USP13: variants seen among roughly 807,000 people sequenced by gnomAD.
USP13 encodes ubiquitin specific peptidase 13, also known as ubiquitin carboxyl-terminal hydrolase 13.
In USP13, 68 loss-of-function variants were observed where a neutral mutation model predicts 107.8. The observed-to-expected ratio is 0.63, with a 90% CI of 0.52 to 0.77. USP13 has a LOEUF of 0.77. Among genes scored for constraint, USP13 ranks in the 30% least tolerant of loss-of-function variants. The pLI is 0.00. For synonymous variants in USP13, 377 were observed against 389.5 expected, an observed-to-expected ratio of 0.97 and a Z score of 0.38; for missense variants, 945 against 1,093.3, an observed-to-expected ratio of 0.86 and a Z score of 1.91.
intron 12 of USP13, 68 bp from the exon 13 acceptor site, chr3:179,744,975 A>G: frequency 6.3e-7 from 1 of 1,589,302 alleles, no homozygotes; most frequent in Non-Finnish European, 8.6e-7. Context: ...AGACTGTCCA[A>G]AGAGGGTGCT....
chr3:179,767,271 C>G (rs1051818231), intron 19 of USP13, among the ~76,000 whole-genome samples: 6 of 152,034 alleles, frequency 3.9e-5, no homozygotes, highest in East Asian at 1.9e-4. Context: ...CATTATTATC[C>G]CCATTTTACA....
intron 1 of USP13, among the ~76,000 whole-genome samples, chr3:179,672,522 C>T: frequency 6.6e-6 from 1 of 151,368 alleles, no homozygotes; most frequent in East Asian, 1.9e-4. Flanking sequence ...ATAGCTGGGA[C>T]TACAGGTGTG....
intron 19 of USP13, among the ~76,000 whole-genome samples, chr3:179,772,487 C>T (rs1445303056): frequency 1.3e-5 from 2 of 152,160 alleles, no homozygotes; most frequent in African/African-American, 4.8e-5. Context: ...ATTTGCATAA[C>T]GCTGGGGTTC....
At position 179,757,068 on chromosome 3, in the gene USP13, A is replaced by C. The variant is rs747837726; in HGVS notation, c.1938A>C (p.Gln646His). 37 of 1,613,878 alleles carry C rather than the reference A, an allele frequency of 2.3e-5. 1 individual carries two copies. In the South Asian group the frequency reaches 3.8e-4, roughly 17 times the overall value. Residue 646 changes from glutamine (Q) to histidine (H), a missense_variant, in exon 16 of 21, where the codon CAA becomes CAC. Transcript: ENST00000263966. ...AATTTCCAGATCGCCTGATGAACCA[A>C]TTGATAGACCGTATGTATCTTTAAA... ...PDDSKDRLMNQLIDPSDIDES... is the reference protein window; with the variant it reads ...PDDSKDRLMNHLIDPSDIDES...
Position 179,788,507 on chromosome 3 carries a change from C to T in USP13, c.*4366C>T, listed in dbSNP as rs1474788586. ...CTGTGTTGTACACATACAATACACA[C>T]CAGATTTTGAAGGCTTGGTACCAAA... On this transcript the variant is annotated 3_prime_UTR_variant, in exon 21 of 21. Coordinates refer to ENST00000263966, the MANE Select transcript of USP13 (RefSeq NM_003940.3). 1.3e-5 allele frequency: 2 copies of T among 152,074 alleles called. No individual in the cohort carries two copies. Among genetic ancestry groups the T allele is most frequent in the South Asian group, 2.1e-4 (1 of 4,820 alleles). The allele number at this position is 152,074 out of a possible 1,614,324, so 9.4% of individuals were successfully genotyped here.
At chr3:179,694,527 G>A (rs1712217919) in intron 3 of USP13, among the ~76,000 whole-genome samples, 1 of 152,108 alleles carries the variant, frequency 6.6e-6, no homozygotes, top group African/African-American at 2.4e-5. Context: ...GGGAGGCCGG[G>A]CGCGGTGGCT....
rs565559613 is a variant in USP13, at chr3:179,723,788, T to C, written c.1088+2199T>C. 7.2e-5 allele frequency among the ~76,000 whole-genome samples: 11 copies of C among 152,320 alleles called. No homozygotes were observed. The East Asian group carries it at 2.1e-3, about 29-fold the overall frequency. On this transcript the variant is annotated intron_variant, in intron 8 of 20. Transcript: ENST00000263966. ...GGATTGAAATACTTGTTCTTCTCAC[T>C]TCTTTTTCACCAGCAGGTCTAACTC...
Position 179,757,081 on chromosome 3 carries a change from A to G in USP13, c.1948+3A>G, listed in dbSNP as rs759976949. On this transcript the variant is annotated splice_donor_region_variant and intron_variant, in intron 16 of 20. Transcript: ENST00000263966. ...CCTGATGAACCAATTGATAGACCGT[A>G]TGTATCTTTAAAAATGTTTCTCAAT... 6.2e-7 allele frequency: 1 copy of G among 1,613,740 alleles called. No individual in the cohort carries two copies. The highest frequency in any genetic ancestry group is 1.1e-5 in the South Asian group (1 of 91,040).
intron 10 of USP13, among the ~76,000 whole-genome samples, chr3:179,732,079 C>CA (rs1713828391): frequency 6.6e-6 from 1 of 152,094 alleles, no homozygotes; most frequent in African/African-American, 2.4e-5. Context: ...GAGAGGGAAA[C>CA]AGACATTCTG....
chr3:179,719,674 T>C (rs1185486139), intron 6 of USP13, among the ~76,000 whole-genome samples: 1 of 152,242 alleles, frequency 6.6e-6, no homozygotes, highest in African/African-American at 2.4e-5. Flanking sequence ...GATACTGTTC[T>C]TTTTTGTTGC....
At chr3:179,702,270 C>T (rs1460842323) in intron 4 of USP13, among the ~76,000 whole-genome samples, 4 of 152,288 alleles carry the variant, frequency 2.6e-5, no homozygotes, top group South Asian at 2.1e-4. Context: ...CCACCTGCCT[C>T]GGCCTCCCAA....
rs150977876 is a variant in USP13 at position 179,655,548 on chromosome 3, G to GTTTTTTTTTTTTTTTTTTTTTTTT, written c.168+2163_168+2164insTTTTTTTTTTTTTTTTTTTTTTTT. ...AAGCACAGTGCGTGATAATGGGAAG[G>GTTTTTTTTTTTTTTTTTTTTTTTT]TTTTTTTTGTTTTGTTTTGTTTTTT... On this transcript the variant is annotated intron_variant, in intron 1 of 20. Transcript: ENST00000263966. 1.1e-4 allele frequency among the ~76,000 whole-genome samples: 15 copies of GTTTTTTTTTTTTTTTTTTTTTTTT among 131,414 alleles called. 1 individual carries two copies. Among genetic ancestry groups the GTTTTTTTTTTTTTTTTTTTTTTTT allele is most frequent in the African/African-American group, 4.3e-4 (13 of 29,952 alleles). 86.2% of individuals were successfully genotyped at this position (131,414 alleles called of 152,430 possible).
chr3:179,682,803 A>C (rs1049107766), intron 2 of USP13, among the ~76,000 whole-genome samples: 1 of 152,182 alleles, frequency 6.6e-6, no homozygotes, highest in African/African-American at 2.4e-5. Context: ...CTGGGGGTAC[A>C]TGTGCCAGAG....
intron 1 of USP13, among the ~76,000 whole-genome samples, chr3:179,675,448 A>T (rs1576916871): frequency 6.6e-6 from 1 of 151,910 alleles, no homozygotes; most frequent in Admixed American, 6.6e-5. Context: ...CTTAGAATGA[A>T]TATATTTGTG....
Position 179,745,140 on chromosome 3 carries a change from C to A in USP13, c.1632C>A (p.Cys544Ter). Residue 544 changes from cysteine (C) to a stop codon, truncating the protein, a stop_gained, in exon 13 of 21, where the codon TGC (cysteine) becomes TGA (stop). Coordinates refer to ENST00000263966, the MANE Select transcript of USP13 (RefSeq NM_003940.3). LOFTEE classifies it high-confidence loss of function. ...LVRAKIPFSA[C>*]LQAFSEPENV... ...GTGCCAAGATACCATTTAGTGCCTGCCTTCAGGCCTTCTCTGAACCAGAAA... is the reference window on the plus strand; with the variant it reads ...GTGCCAAGATACCATTTAGTGCCTGACTTCAGGCCTTCTCTGAACCAGAAA... 6.2e-7 allele frequency: 1 copy of A among 1,614,160 alleles called. No homozygotes were observed. Among genetic ancestry groups the A allele is most frequent in the Non-Finnish European group, 8.5e-7 (1 of 1,180,032 alleles).
intron 14 of USP13, among the ~76,000 whole-genome samples, chr3:179,754,052 T>C (rs1016507056): frequency 2.0e-5 from 3 of 152,180 alleles, no homozygotes; most frequent in African/African-American, 7.2e-5. Flanking sequence ...GGTTGCATCA[T>C]CAAATGGGGT....
intron 6 of USP13, among the ~76,000 whole-genome samples, chr3:179,717,984 G>A (rs1713166473): frequency 6.6e-6 from 1 of 152,104 alleles, no homozygotes. Context: ...GGAGCAGCGA[G>A]TCTCCATATA....
At chr3:179,695,594 T>C (rs1168154150) in intron 3 of USP13, among the ~76,000 whole-genome samples, 1 of 152,188 alleles carries the variant, frequency 6.6e-6, no homozygotes, top group Non-Finnish European at 1.5e-5. Flanking sequence ...TTAAATTCTA[T>C]ACTTTTAAAA....
In USP13 at chr3:179,743,190, C is replaced by T. The variant is rs918213224; in HGVS notation, c.1534+840C>T. Among the ~76,000 whole-genome samples, 5 of 151,894 alleles carry T rather than the reference C, an allele frequency of 3.3e-5. No homozygotes were observed. In the East Asian group the frequency reaches 7.7e-4, roughly 23 times the overall value. On this transcript the variant is annotated intron_variant, in intron 12 of 20. Transcript: ENST00000263966. Reference sequence around the variant, plus strand: ...CACCGCATATTCTCACTCATAAGTGCGAGTTGAACATTGAGAACATATGGA... The same window carrying T: ...CACCGCATATTCTCACTCATAAGTGTGAGTTGAACATTGAGAACATATGGA...
Sources: allele counts gnomAD v4.1 joint callset (sites outside exome capture counted in the v4.1 genomes callset), GRCh38; gene constraint gnomAD v4.1.1; transcripts MANE v1.5; gene names NCBI Gene and HGNC (gene_info 2026-07-23, HGNC 2026-07-21).